The following OR1J2 variants were observed in gnomAD, a reference collection of about 807,000 sequenced individuals.
OR1J2 encodes the protein olfactory receptor 1J2.
For missense variants in OR1J2, 304 were observed against 246.1 expected (o/e 1.24, Z -1.57); for synonymous variants, 142 against 99.7 (o/e 1.42, Z -2.52).
the OR1J2 span, among the ~76,000 whole-genome samples, chr9:122,544,043 TG>T: frequency 6.6e-6 from 1 of 152,242 alleles, no homozygotes; most frequent in Admixed American, 6.5e-5. Context: ...TTTTGTTTAC[TG>T]TCTGTAGAAT....
At chr9:122,519,026 TGGCATATTC>T in the OR1J2 span, 3 of 703,656 alleles carry the variant, frequency 4.3e-6, no homozygotes, top group Non-Finnish European at 7.4e-6. Flanking sequence ...AGACAGACAT[TGGCATATTC>T]ATCAGTAGCA....
the OR1J2 span, among the ~76,000 whole-genome samples, chr9:122,569,246 T>C: frequency 1.3e-5 from 2 of 152,218 alleles, no homozygotes; most frequent in African/African-American, 4.8e-5. Context: ...TTTCCCTTCT[T>C]TAATTCTCTG....
At chr9:122,516,993 A>G in the OR1J2 span, among the ~76,000 whole-genome samples, 1 of 152,178 alleles carries the variant, frequency 6.6e-6, no homozygotes, top group African/African-American at 2.4e-5. Context: ...AGACTCAGGA[A>G]ATGGCAGGTG....
chr9:122,526,568 G>A, the OR1J2 span: 1 of 1,613,908 alleles, frequency 6.2e-7, no homozygotes, highest in Non-Finnish European at 8.5e-7. Flanking sequence ...CAACGCAGAG[G>A]TGGGAACTGC....
the OR1J2 span, among the ~76,000 whole-genome samples, chr9:122,488,565 A>G: frequency 1.3e-5 from 2 of 152,244 alleles, no homozygotes; most frequent in Non-Finnish European, 2.9e-5. Context: ...ACCTGAATAC[A>G]TGCAGGATTT....
At chr9:122,560,926 A>G in the OR1J2 span, among the ~76,000 whole-genome samples, 1 of 152,088 alleles carries the variant, frequency 6.6e-6, no homozygotes, top group East Asian at 1.9e-4. Flanking sequence ...TGTGTTTTCC[A>G]TCTTGGTTCC....
At chr9:122,457,080 G>A in the OR1J2 span, among the ~76,000 whole-genome samples, 1 of 152,150 alleles carries the variant, frequency 6.6e-6, no homozygotes, top group Admixed American at 6.5e-5. Context: ...AGGGACATGG[G>A]TGGAGCTGGA....
the OR1J2 span, chr9:122,519,625 TC>T: frequency 5.0e-6 from 8 of 1,614,132 alleles, no homozygotes; most frequent in Non-Finnish European, 6.8e-6. Flanking sequence ...CACACTCTCC[TC>T]CTGGCCCAGC....
At chr9:122,569,114 A>G in the OR1J2 span, among the ~76,000 whole-genome samples, 2 of 152,114 alleles carry the variant, frequency 1.3e-5, no homozygotes, top group African/African-American at 4.8e-5. Flanking sequence ...CGACTGTTGA[A>G]CGCAGTCAAT....
chr9:122,454,048 T>C, the OR1J2 span, among the ~76,000 whole-genome samples: 4 of 152,364 alleles, frequency 2.6e-5, no homozygotes, highest in East Asian at 7.7e-4. Flanking sequence ...CTCTGAGGTC[T>C]TCTCTCCAAA....
the OR1J2 span, among the ~76,000 whole-genome samples, chr9:122,561,871 G>A: frequency 6.6e-6 from 1 of 152,192 alleles, no homozygotes; most frequent in South Asian, 2.1e-4. Flanking sequence ...CTTGGTGGAG[G>A]GGGTATGCTG....
At chr9:122,557,649 G>T in the OR1J2 span, among the ~76,000 whole-genome samples, 3 of 152,028 alleles carry the variant, frequency 2.0e-5, no homozygotes, top group Non-Finnish European at 4.4e-5. Context: ...ATTCATGAGA[G>T]ATATTGGTAT....
the OR1J2 span, among the ~76,000 whole-genome samples, chr9:122,537,175 G>A: frequency 1.3e-5 from 2 of 152,242 alleles, no homozygotes; most frequent in Admixed American, 6.5e-5. Context: ...AAAGGATCGT[G>A]ATTGATTTAA....
chr9:122,537,527 GCT>G, the OR1J2 span, among the ~76,000 whole-genome samples: 13 of 151,474 alleles, frequency 8.6e-5, no homozygotes, highest in Admixed American at 1.3e-4. Context: ...GGCTATTTGG[GCT>G]CTTTTTTGGT....
chr9:122,470,015 G>A, the OR1J2 span, among the ~76,000 whole-genome samples: 15 of 152,138 alleles, frequency 9.9e-5, no homozygotes, highest in Admixed American at 2.0e-4. Flanking sequence ...ATTTGCAGCC[G>A]GACAATGTCA....
At chr9:122,498,806 C>T in the OR1J2 span, among the ~76,000 whole-genome samples, 3,155 of 152,130 alleles carry the variant, frequency 0.021, 42 homozygotes, top group Middle Eastern at 0.037. Context: ...TTTTCCTTTT[C>T]TTTCTTTCCC....
At chr9:122,460,239 C>A in the OR1J2 span, among the ~76,000 whole-genome samples, 2 of 151,394 alleles carry the variant, frequency 1.3e-5, no homozygotes, top group Non-Finnish European at 3.0e-5. Context: ...TTTAAGTCCT[C>A]GATGTATATA....
chr9:122,507,838 A>G (rs182604534), upstream of OR1J2, among the ~76,000 whole-genome samples: 16 of 152,292 alleles, frequency 1.1e-4, no homozygotes, highest in African/African-American at 3.6e-4. Flanking sequence ...AGGGAAACCA[A>G]TATTTGCTGA....
the OR1J2 span, chr9:122,526,752 G>C: frequency 1.2e-6 from 2 of 1,614,060 alleles, no homozygotes; most frequent in African/African-American, 2.7e-5. Flanking sequence ...CTTCAGGACA[G>C]GAGTGATGTC....
Sources: allele counts gnomAD v4.1 joint callset (sites outside exome capture counted in the v4.1 genomes callset), GRCh38; gene constraint gnomAD v4.1.1; transcripts MANE v1.5; gene names NCBI Gene and HGNC (gene_info 2026-07-23, HGNC 2026-07-21).